Variants in CRYZ observed in about 807,000 individuals in gnomAD.
CRYZ encodes zeta-crystallin.
CRYZ carries 35 observed loss-of-function variants against 34.1 expected under a neutral mutation model. The ratio of observed to expected loss-of-function variants is 1.03; its 90% CI spans 0.78 to 1.36. The LOEUF (loss-of-function observed/expected upper bound fraction) is 1.36. Ranked by LOEUF, CRYZ falls within the 40% of genes most tolerant of loss-of-function variation. The probability of loss-of-function intolerance (pLI) is 0.00; values close to 1 mark genes in which losing one functional copy is unlikely to be tolerated. For synonymous variants in CRYZ, 137 were observed against 136.5 expected (o/e 1.00, Z -0.03); for missense variants, 403 against 391.8 (o/e 1.03, Z -0.24).
Position 74,710,208 on chromosome 1 carries a change from A to C in CRYZ, c.520T>G (p.Leu174Val), listed in dbSNP as rs192360162. ...GTACCAGCAGTGCCCAAAATCTTTA[A>C]GCCATAAGCTCTAGCAATTTGGCAT... ...AACQIARAYG[L>V]KILGTAGTEE... The change falls in exon 6 of 9, where the codon TTA (leucine) becomes GTA (valine). Residue 174 changes from leucine to valine, a missense_variant. Transcript: ENST00000340866. 4.5e-5 allele frequency: 72 copies of C among 1,613,846 alleles called. No homozygotes were observed. Among genetic ancestry groups the C allele is most frequent in the Non-Finnish European group, 5.9e-5 (70 of 1,179,846 alleles).
intron 3 of CRYZ, among the ~76,000 whole-genome samples, chr1:74,722,785 T>C (rs1016846270): frequency 1.8e-4 from 27 of 152,296 alleles, no homozygotes; most frequent in Admixed American, 9.2e-4. Context: ...TGTTAGCTTA[T>C]GTATCATCAA....
rs141992920 is a variant in CRYZ, at chr1:74,713,972, G to C, written c.480+607C>G. Among the ~76,000 whole-genome samples, 966 of 152,162 alleles carry C rather than the reference G, an allele frequency of 6.3e-3. 5 individuals carry two copies. Among genetic ancestry groups the C allele is most frequent in the Non-Finnish European group, 7.9e-3 (535 of 68,020 alleles). ...AGAGGTTTCTGACAGCCCTGCATTG[G>C]GTGATTTCATTGAAGGGCTTATTTT... On this transcript the variant is annotated intron_variant, in intron 5 of 8. Coordinates refer to ENST00000340866, the MANE Select transcript of CRYZ (RefSeq NM_001889.4).
At chr1:74,729,478 CAAAAAAA>C (rs5775262) in intron 1 of CRYZ, among the ~76,000 whole-genome samples, 1 of 123,958 alleles carries the variant, frequency 8.1e-6, no homozygotes, top group South Asian at 2.7e-4. Context: ...GCCATCTCTA[CAAAAAAA>C]AAAAAAAAAA....
chr1:74,719,440 T>C (rs1647125283), intron 3 of CRYZ, 68 bp from the exon 4 acceptor site: 1 of 1,412,256 alleles, frequency 7.1e-7, no homozygotes, highest in Admixed American at 2.2e-5. Flanking sequence ...GGTATAATCC[T>C]TTATAACAAG....
intron 1 of CRYZ, among the ~76,000 whole-genome samples, chr1:74,725,237 A>G (rs1647273476): frequency 1.3e-5 from 2 of 152,176 alleles, no homozygotes; most frequent in South Asian, 4.1e-4. Context: ...CCTGACACCC[A>G]GTGTATTGGT....
Position 74,716,813 on chromosome 1 carries a change from G to A in CRYZ, c.429-2183C>T, listed in dbSNP as rs182094902. Among the ~76,000 whole-genome samples the A allele has an allele frequency of 3.0e-3, 463 of 151,926 alleles. 2 individuals are homozygous for A. Among genetic ancestry groups the A allele is most frequent in the African/African-American group, 0.01 (426 of 41,428 alleles). ...ATAGATTGCCCAGCCTCCTCTCCCC[G>A]CAGCCCCTGTGCTCTCATTTCTTTT... On this transcript the variant is annotated intron_variant, in intron 4 of 8. Transcript: ENST00000340866.
chr1:74,716,766 G>A (rs575734933), intron 4 of CRYZ, among the ~76,000 whole-genome samples: 14 of 151,848 alleles, frequency 9.2e-5, no homozygotes, highest in East Asian at 1.9e-4. Context: ...CCTTCCTTCC[G>A]TCCCTACTCA....
At chr1:74,722,221 G>A (rs1647175390) in intron 3 of CRYZ, among the ~76,000 whole-genome samples, 1 of 151,984 alleles carries the variant, frequency 6.6e-6, no homozygotes, top group African/African-American at 2.4e-5. Flanking sequence ...GAGGGGGAGA[G>A]GAGAACAGAA....
chr1:74,723,063 A>G, intron 3 of CRYZ, 55 bp downstream of exon 3: 1 of 1,561,796 alleles, frequency 6.4e-7, no homozygotes, highest in Non-Finnish European at 8.7e-7. Context: ...AGCTATGTTC[A>G]AATATTTTTA....
At chr1:74,706,726 T>C (rs1646934120) in intron 8 of CRYZ, among the ~76,000 whole-genome samples, 173 bp downstream of exon 8, 1 of 152,064 alleles carries the variant, frequency 6.6e-6, no homozygotes, top group Non-Finnish European at 1.5e-5. Context: ...AAGGTATGCT[T>C]ACCTGGATAT....
At position 74,706,957 on chromosome 1, in the gene CRYZ, C is replaced by T. The variant is rs1042277419; in HGVS notation, c.770G>A (p.Arg257Gln). 1.5e-5 allele frequency: 24 copies of T among 1,612,644 alleles called. No individual in the cohort carries two copies. The highest frequency in any genetic ancestry group is 4.4e-5 in the South Asian group (4 of 91,020). The change falls in exon 8 of 9, where the codon CGA becomes CAA. Residue 257 changes from arginine to glutamine, a missense_variant. Coordinates refer to ENST00000340866, the MANE Select transcript of CRYZ (RefSeq NM_001889.4). ...ACTCGACTCCTTTGCCATGGTGTCTCGTGGGTTTATTTCAATAGTACCTCT... is the reference window on the plus strand; with the variant it reads ...ACTCGACTCCTTTGCCATGGTGTCTTGTGGGTTTATTTCAATAGTACCTCT... ...GSRGTIEINP[R>Q]DTMAKESSII...
rs80158566 is a variant in CRYZ, at chr1:74,711,335, A to G, written c.481-1088T>C. ...GTGAGGCACAAAGAAAGCGGTGAGG[A>G]AAATGGGAGGAGGAAGATCAGTTTG... On this transcript the variant is annotated intron_variant, in intron 5 of 8. Transcript: ENST00000340866. Among the ~76,000 whole-genome samples, 278 of 152,252 alleles carry G rather than the reference A, an allele frequency of 1.8e-3. 10 individuals are homozygous for G. In the East Asian group the frequency reaches 0.051, roughly 28 times the overall value.
intron 5 of CRYZ, among the ~76,000 whole-genome samples, chr1:74,712,376 C>T (rs1186006731): frequency 1.3e-5 from 2 of 152,140 alleles, no homozygotes; most frequent in Non-Finnish European, 2.9e-5. Context: ...TCAGACATTG[C>T]CAAATGTCCC....
At chr1:74,729,478 C>A (rs966743873) in intron 1 of CRYZ, among the ~76,000 whole-genome samples, 229 of 123,764 alleles carry the variant, frequency 1.9e-3, no homozygotes, top group Admixed American at 1.9e-3. Context: ...GCCATCTCTA[C>A]AAAAAAAAAA....
chr1:74,721,400 G>A (rs953835669), intron 3 of CRYZ, among the ~76,000 whole-genome samples: 3 of 152,090 alleles, frequency 2.0e-5, no homozygotes, highest in Non-Finnish European at 4.4e-5. Context: ...AAGACAGATG[G>A]GAGAGAGCAT....
chr1:74,721,830 G>T (rs1647169477), intron 3 of CRYZ, among the ~76,000 whole-genome samples: 1 of 152,174 alleles, frequency 6.6e-6, no homozygotes, highest in African/African-American at 2.4e-5. Flanking sequence ...GTCTCCAACA[G>T]AACTCTCTGT....
Position 74,706,459 on chromosome 1 carries a change from TAAGAA to T in CRYZ, c.829-7_829-3del, listed in dbSNP as rs1168742035. On this transcript the variant is annotated splice_region_variant and splice_polypyrimidine_tract_variant and intron_variant, in intron 8 of 8. Coordinates refer to ENST00000340866, the MANE Select transcript of CRYZ (RefSeq NM_001889.4). ...TGCTGCATATTGCTGAAATTCCTCC[TAAGAA>T]AAGGAAAAACAAATTTCTTTTTGTA... 6.3e-7 allele frequency: 1 copy of T among 1,587,012 alleles called. No individual in the cohort carries two copies. The highest frequency in any genetic ancestry group is 8.5e-7 in the Non-Finnish European group (1 of 1,172,300).
At chr1:74,721,503 CA>C (rs1647163141) in intron 3 of CRYZ, among the ~76,000 whole-genome samples, 1 of 152,058 alleles carries the variant, frequency 6.6e-6, no homozygotes, top group Non-Finnish European at 1.5e-5. Context: ...AGGTGTAAAA[CA>C]ATCAGAATTA....
At chr1:74,728,474 A>G (rs1570024961) in intron 1 of CRYZ, among the ~76,000 whole-genome samples, 1 of 152,246 alleles carries the variant, frequency 6.6e-6, no homozygotes, top group Non-Finnish European at 1.5e-5. Context: ...TCAACCAAAT[A>G]GTGTTAGATT....
Sources: allele counts gnomAD v4.1 joint callset (sites outside exome capture counted in the v4.1 genomes callset), GRCh38; gene constraint gnomAD v4.1.1; transcripts MANE v1.5; gene names NCBI Gene and HGNC (gene_info 2026-07-23, HGNC 2026-07-21).